PAQR5: variants seen among roughly 807,000 people sequenced by gnomAD.
PAQR5 encodes the protein progestin and adipoQ receptor family member 5, also known as membrane progestin receptor gamma.
In PAQR5, 20 loss-of-function variants were observed where a neutral mutation model predicts 34.5. That is an observed-to-expected ratio of 0.58 (90% CI 0.41 to 0.84). The LOEUF (loss-of-function observed/expected upper bound fraction) is 0.84. Among genes scored for constraint, PAQR5 ranks in the 40% least tolerant of loss-of-function variants. PAQR5 has a pLI of 0.00. For missense variants in PAQR5, 378 were observed against 412.7 expected (o/e 0.92, Z 0.73); for synonymous variants, 131 against 155.6 (o/e 0.84, Z 1.18).
chr15:69,322,772 GGGA>G (rs1366740901), intron 1 of PAQR5, among the ~76,000 whole-genome samples: 4,059 of 12,866 alleles, frequency 0.32, 1,112 homozygotes, highest in African/African-American at 0.38. Flanking sequence ...AAGAAGAAGA[GGGA>G]GAAGAAGAAG....
chr15:69,324,421 T>C (rs1475515958), intron 1 of PAQR5, among the ~76,000 whole-genome samples: 2 of 152,232 alleles, frequency 1.3e-5, no homozygotes, highest in South Asian at 2.1e-4. Context: ...GTAGATACCA[T>C]GGGTTTTCAT....
At chr15:69,354,791 G>A (rs1025203086) in intron 2 of PAQR5, among the ~76,000 whole-genome samples, 2 of 152,146 alleles carry the variant, frequency 1.3e-5, no homozygotes, top group Non-Finnish European at 2.9e-5. Flanking sequence ...AAGTGGGGAA[G>A]ATCCACCCTC....
chr15:69,330,889 A>C (rs1420876440), intron 1 of PAQR5, among the ~76,000 whole-genome samples: 1 of 152,100 alleles, frequency 6.6e-6, no homozygotes, highest in Non-Finnish European at 1.5e-5. Flanking sequence ...TTGGTGGCTC[A>C]TCCAGGATTG....
At chr15:69,317,632 A>G (rs1271987477) in intron 1 of PAQR5, among the ~76,000 whole-genome samples, 7 of 152,180 alleles carry the variant, frequency 4.6e-5, no homozygotes, top group Admixed American at 4.6e-4. Flanking sequence ...CAGTGGGTGA[A>G]GCTCAGAGTT....
intron 1 of PAQR5, among the ~76,000 whole-genome samples, chr15:69,325,387 C>T (rs935936754): frequency 3.3e-5 from 5 of 152,288 alleles, no homozygotes. Flanking sequence ...CGAGCACCCA[C>T]CTGGGCCTGC....
At chr15:69,390,361 T>TTTTG (rs1555423103) in intron 6 of PAQR5, among the ~76,000 whole-genome samples, 2 of 120,814 alleles carry the variant, frequency 1.7e-5, no homozygotes, top group South Asian at 6.5e-4. Context: ...TATTTATTTA[T>TTTTG]TTTTTTGAGA....
At chr15:69,332,463 T>C (rs2054404010) in intron 1 of PAQR5, among the ~76,000 whole-genome samples, 1 of 152,156 alleles carries the variant, frequency 6.6e-6, no homozygotes, top group African/African-American at 2.4e-5. Flanking sequence ...CATGTCATAG[T>C]CCTAAAAATT....
chr15:69,387,967 G>T (rs902833504), intron 5 of PAQR5, among the ~76,000 whole-genome samples: 11 of 151,918 alleles, frequency 7.2e-5, no homozygotes, highest in African/African-American at 2.7e-4. Flanking sequence ...CACCTCCATT[G>T]CTGAGAACAA....
At chr15:69,375,899 G>A (rs996852617) in intron 3 of PAQR5, among the ~76,000 whole-genome samples, 10 of 152,274 alleles carry the variant, frequency 6.6e-5, no homozygotes, top group Non-Finnish European at 1.0e-4. Context: ...AATGCCCAGT[G>A]ATTTTCCCCA....
chr15:69,399,936 G>C (rs1177652910), intron 7 of PAQR5, 38 bp from the exon 8 acceptor site: 2 of 1,598,654 alleles, frequency 1.3e-6, no homozygotes, highest in African/African-American at 1.3e-5. Context: ...CCTCAGGCCT[G>C]TCCTCTCAAG....
intron 1 of PAQR5, among the ~76,000 whole-genome samples, chr15:69,315,937 G>C (rs1304230245): frequency 6.6e-6 from 1 of 152,078 alleles, no homozygotes; most frequent in South Asian, 2.1e-4. Flanking sequence ...GGAGCTCAAG[G>C]CCAGCCTGGA....
chr15:69,324,731 C>T (rs1260866561), intron 1 of PAQR5, among the ~76,000 whole-genome samples: 1 of 152,098 alleles, frequency 6.6e-6, no homozygotes, highest in African/African-American at 2.4e-5. Flanking sequence ...TCCACTCTGG[C>T]CTCCTGCCAC....
In PAQR5 at chr15:69,316,018, T is replaced by C. The variant is rs374380418; in HGVS notation, c.-277+16962T>C. Among the ~76,000 whole-genome samples the C allele has an allele frequency of 4.3e-4, 65 of 152,292 alleles. 1 individual carries two copies. Among genetic ancestry groups the C allele is most frequent in the African/African-American group, 1.5e-3 (63 of 41,564 alleles). ...GGCTTACTATTTACACCTTCTGAGC[T>C]TGGGCTGCACGTTCTTGGGGGCTGA... On this transcript the variant is annotated intron_variant, in intron 1 of 8. Coordinates refer to ENST00000395407, the MANE Select transcript of PAQR5 (RefSeq NM_017705.4).
chr15:69,395,668 C>T (rs984205535), intron 6 of PAQR5, among the ~76,000 whole-genome samples: 3 of 152,174 alleles, frequency 2.0e-5, no homozygotes, highest in East Asian at 1.9e-4. Flanking sequence ...GCCGAGGTCA[C>T]GTGGTTGTGA....
At chr15:69,311,583 G>T (rs1166432640) in intron 1 of PAQR5, among the ~76,000 whole-genome samples, 1 of 152,094 alleles carries the variant, frequency 6.6e-6, no homozygotes, top group African/African-American at 2.4e-5. Context: ...CCTGCCCTTA[G>T]TCGCCCAGGC....
At chr15:69,346,297 ATTTT>A (rs34728909) in intron 2 of PAQR5, among the ~76,000 whole-genome samples, 10 of 81,492 alleles carry the variant, frequency 1.2e-4, no homozygotes, top group East Asian at 4.6e-4. Context: ...ATATTTTGTA[ATTTT>A]TTTTTTTTTT....
In PAQR5 at chr15:69,379,952, A is replaced by G. The variant is rs752953441; in HGVS notation, c.121A>G (p.Ser41Gly). ...PQSSATACIL[S>G]LFQMTNETLN... ...GAGTTCTGCCACTGCCTGCATCCTC[A>G]GCCTTTTCCAAATGACCAATGAGAC... is the stretch of plus-strand genomic sequence containing the variant. Residue 41 changes from serine (S) to glycine (G), a missense_variant, in exon 4 of 9, where the codon AGC becomes GGC. Coordinates refer to ENST00000395407, the MANE Select transcript of PAQR5 (RefSeq NM_017705.4). The G allele has an allele frequency of 6.2e-7, 1 of 1,614,184 alleles. No homozygotes were observed. The highest frequency in any genetic ancestry group is 1.1e-5 in the South Asian group (1 of 91,088).
intron 1 of PAQR5, among the ~76,000 whole-genome samples, chr15:69,299,783 C>T (rs950405846): frequency 1.3e-5 from 2 of 152,162 alleles, no homozygotes; most frequent in African/African-American, 2.4e-5. Flanking sequence ...CTTCCTCCCG[C>T]TTAGGTTGGG....
intron 5 of PAQR5, among the ~76,000 whole-genome samples, chr15:69,386,369 G>C (rs1029627024): frequency 2.6e-4 from 39 of 152,078 alleles, no homozygotes; most frequent in African/African-American, 9.2e-4. Flanking sequence ...GTGCTCTGCT[G>C]CCCAGTCCCC....
Sources: gnomAD v4.1 joint callset for allele counts (sites outside exome capture counted in the v4.1 genomes callset) on GRCh38, gnomAD v4.1.1 for gene constraint, MANE v1.5 for transcripts, NCBI Gene and HGNC (gene_info 2026-07-23, HGNC 2026-07-21) for gene names.